MED15: variants seen among roughly 807,000 people sequenced by gnomAD.
MED15 encodes mediator of RNA polymerase II transcription subunit 15.
MED15 carries 41 observed loss-of-function variants against 118.7 expected under a neutral mutation model. That is an observed-to-expected ratio of 0.35 (90% confidence interval 0.27 to 0.45). The LOEUF (loss-of-function observed/expected upper bound fraction) is 0.45, where lower values mean the gene tolerates loss of function less well. MED15 is among the 20% of genes least tolerant of loss of function. MED15 has a pLI of 1.00. For synonymous variants in MED15, 436 were observed against 413.9 expected (o/e 1.05, Z -0.65); for missense variants, 740 against 1,025.5 (o/e 0.72, Z 3.80).
chr22:20,565,008 C>G (rs2056383633), intron 6 of MED15, among the ~76,000 whole-genome samples: 1 of 152,150 alleles, frequency 6.6e-6, no homozygotes, highest in South Asian at 2.1e-4. Context: ...ACCTATAATC[C>G]CAGCTATTTG....
At chr22:20,584,785 G>T in intron 14 of MED15, 70 bp from the exon 15 acceptor site, 1 of 1,563,804 alleles carries the variant, frequency 6.4e-7, no homozygotes, top group African/African-American at 1.3e-5. Flanking sequence ...CATGGGCCTG[G>T]GGTGTGAAGG....
rs765465570 is a variant in MED15, at chr22:20,507,760, G to A, written c.68+14G>A. 5 of 1,613,962 alleles carry A rather than the reference G, an allele frequency of 3.1e-6. No individual in the cohort carries two copies. In the African/African-American group the frequency reaches 5.3e-5, roughly 17 times the overall value. Reference sequence around the variant, plus strand: ...GGTCAGTCAAATGTGAGTAGTGGTCGGGGCAGGGGGCTGGATTGTGGGACC... The same window carrying A: ...GGTCAGTCAAATGTGAGTAGTGGTCAGGGCAGGGGGCTGGATTGTGGGACC... On this transcript the variant is annotated intron_variant, in intron 1 of 17. Coordinates refer to ENST00000263205, the MANE Select transcript of MED15 (RefSeq NM_001003891.3).
chr22:20,585,465 C>A, intron 16 of MED15, 198 bp downstream of exon 16: 1 of 764,910 alleles, frequency 1.3e-6, no homozygotes. Context: ...CCAGAGCCCG[C>A]ACACTCTCAC....
Position 20,584,693 on chromosome 22 carries a change from G to A in MED15, c.1804-162G>A, listed in dbSNP as rs562026008. On this transcript the variant is annotated intron_variant, in intron 14 of 17. Coordinates refer to ENST00000263205, the MANE Select transcript of MED15 (RefSeq NM_001003891.3). ...GGGAGGATAGGCTGTGGGGGTGGGG[G>A]ATTATTCCCAGGATCAGCCAACATT... 67 of 988,974 alleles carry A rather than the reference G, an allele frequency of 6.8e-5. 2 individuals carry two copies. In the South Asian group the frequency reaches 1.1e-3, roughly 16 times the overall value. The allele number at this position is 988,974 out of a possible 1,614,324, so 61.3% of individuals were successfully genotyped here. A position where few individuals can be genotyped will look rare whatever the true frequency, so the allele number is the denominator to read the frequency against.
At chr22:20,523,358 T>A (rs61541782) in intron 1 of MED15, among the ~76,000 whole-genome samples, 2,560 of 150,790 alleles carry the variant, frequency 0.017, 49 homozygotes, top group African/African-American at 0.046. Flanking sequence ...CCTTTTTTTT[T>A]AAAAAAAAAG....
At chr22:20,567,218 T>C (rs2056476296) in intron 7 of MED15, among the ~76,000 whole-genome samples, 1 of 152,206 alleles carries the variant, frequency 6.6e-6, no homozygotes, top group African/African-American at 2.4e-5. Context: ...TCTAAGCAAA[T>C]ATCTTTTTTT....
chr22:20,541,552 C>T (rs750068865), intron 2 of MED15, among the ~76,000 whole-genome samples: 47 of 152,252 alleles, frequency 3.1e-4, no homozygotes, highest in Non-Finnish European at 5.1e-4. Context: ...GGCACAATCT[C>T]GTCTCACTAC....
intron 8 of MED15, among the ~76,000 whole-genome samples, chr22:20,572,395 G>A (rs554600411): frequency 6.6e-6 from 1 of 152,242 alleles, no homozygotes; most frequent in South Asian, 2.1e-4. Context: ...TCCATGCCCT[G>A]TCTCTCAAGC....
chr22:20,569,846 T>C (rs980596091), intron 8 of MED15, among the ~76,000 whole-genome samples: 2 of 152,138 alleles, frequency 1.3e-5, no homozygotes, highest in African/African-American at 4.8e-5. Flanking sequence ...CCTCCCTGTG[T>C]GTCTCGGCAT....
intron 6 of MED15, 26 bp downstream of exon 6, chr22:20,564,714 T>G: frequency 3.7e-6 from 6 of 1,613,866 alleles, no homozygotes; most frequent in Non-Finnish European, 5.1e-6. Context: ...TTCCTGCTCT[T>G]GGCCTCCCTC....
chr22:20,561,752 C>G (rs577994429), intron 5 of MED15, among the ~76,000 whole-genome samples: 14 of 152,222 alleles, frequency 9.2e-5, no homozygotes, highest in African/African-American at 3.1e-4. Context: ...CAGTGGCTCA[C>G]GTCTGTAATC....
chr22:20,581,899 T>A (rs1488228802), intron 9 of MED15: 4 of 152,264 alleles, frequency 2.6e-5, no homozygotes, highest in African/African-American at 9.7e-5. Context: ...ACACAGGGCC[T>A]CAGAGGACTC....
intron 1 of MED15, among the ~76,000 whole-genome samples, chr22:20,532,433 G>C (rs1030759040): frequency 6.6e-6 from 1 of 152,180 alleles, no homozygotes; most frequent in African/African-American, 2.4e-5. Context: ...ACCCCTTAGT[G>C]GGGGAGCTCC....
At chr22:20,575,337 G>T in intron 9 of MED15, 105 bp downstream of exon 9, 4 of 1,405,266 alleles carry the variant, frequency 2.8e-6, no homozygotes, top group East Asian at 2.5e-5. Context: ...CTTCTTTTAT[G>T]GTGGCTTTCA....
chr22:20,517,897 C>G (rs1241673331), intron 1 of MED15, among the ~76,000 whole-genome samples: 1 of 152,082 alleles, frequency 6.6e-6, no homozygotes, highest in Non-Finnish European at 1.5e-5. Flanking sequence ...TATCCCAGTA[C>G]CTTAAAAATG....
intron 6 of MED15, 113 bp from the exon 7 acceptor site, chr22:20,566,354 G>A (rs2056438313): frequency 9.1e-6 from 14 of 1,539,212 alleles, no homozygotes; most frequent in Admixed American, 1.8e-5. Context: ...AGGCTTTCTT[G>A]ATGGCTCTGC....
intron 3 of MED15, chr22:20,552,625 C>G (rs1165786239): frequency 5.2e-6 from 2 of 387,434 alleles, no homozygotes; most frequent in Admixed American, 3.6e-5. Flanking sequence ...GGCCCCATGA[C>G]TGCTACAGAA....
chr22:20,586,626 C>T lies in MED15; in HGVS notation c.2289C>T (p.Leu763=), dbSNP rs2057143719. Residue 763 remains leucine (L), a synonymous_variant, in exon 18 of 18, where the codon CTC becomes CTT. Transcript: ENST00000263205. ...GCATGACCTCCAGGCTGCTGCAGCT[C>T]CCGGACAAGCACTCGGTCACCGCCT... ...HRCMTSRLLQ[L]PDKHSVTALL... The T allele has an allele frequency of 6.2e-7, 1 of 1,612,906 alleles. No homozygotes were observed. The highest frequency in any genetic ancestry group is 1.3e-5 in the African/African-American group (1 of 74,908).
At chr22:20,518,587 A>G (rs1357161176) in intron 1 of MED15, among the ~76,000 whole-genome samples, 2 of 152,046 alleles carry the variant, frequency 1.3e-5, no homozygotes, top group African/African-American at 4.8e-5. Flanking sequence ...CAGATTAACT[A>G]TTTTTTGCCT....
Sources: gnomAD v4.1 joint callset for allele counts (sites outside exome capture counted in the v4.1 genomes callset) on GRCh38, gnomAD v4.1.1 for gene constraint, MANE v1.5 for transcripts, NCBI Gene and HGNC (gene_info 2026-07-23, HGNC 2026-07-21) for gene names.